Variants in PLCH2 observed in about 807,000 individuals in gnomAD.
PLCH2 encodes phospholipase C eta 2, also known as 1-phosphatidylinositol 4,5-bisphosphate phosphodiesterase eta-2.
PLCH2 carries 98 observed loss-of-function variants against 134.7 expected under a neutral mutation model. That is an observed-to-expected ratio of 0.73 (90% CI 0.62 to 0.86). PLCH2 has a LOEUF of 0.86. PLCH2 is among the 40% of genes least tolerant of loss of function. PLCH2 has a pLI of 0.00. For synonymous variants in PLCH2, 974 were observed against 827.5 expected (o/e 1.18, Z -3.04); for missense variants, 1,994 against 1,986.6 (o/e 1.00, Z -0.07).
At chr1:2,497,079 G>A in intron 15 of PLCH2, 69 bp downstream of exon 15, 1 of 1,468,656 alleles carries the variant, frequency 6.8e-7, no homozygotes, top group South Asian at 1.2e-5. Context: ...GAAGCCCAAG[G>A]GGCGAGCAGG....
chr1:2,445,465 G>A (rs1170321418), intron 2 of PLCH2, among the ~76,000 whole-genome samples: 1 of 152,110 alleles, frequency 6.6e-6, no homozygotes, highest in African/African-American at 2.4e-5. Context: ...TCGGGGCTCG[G>A]GGCTTGGTCT....
At chr1:2,466,012 G>A (rs1176375943), upstream of PLCH2, among the ~76,000 whole-genome samples, 3 of 152,210 alleles carry the variant, frequency 2.0e-5, no homozygotes, top group African/African-American at 4.8e-5. Context: ...TTTCCTGAGT[G>A]GACTGTCCCA....
At chr1:2,431,169 G>T (rs1215183513) in intron 2 of PLCH2, among the ~76,000 whole-genome samples, 1 of 151,058 alleles carries the variant, frequency 6.6e-6, no homozygotes, top group Non-Finnish European at 1.5e-5. Flanking sequence ...TGTGCACACC[G>T]CTATCTGCCG....
At position 2,496,689 on chromosome 1, in the gene PLCH2, G is replaced by A. The variant is rs867099837; in HGVS notation, c.1918G>A (p.Asp640Asn). Residue 640 changes from aspartate (D) to asparagine (N), a missense_variant, in exon 14 of 22, where the codon GAC becomes AAC. This residue lies in a region of PLCH2 where 1,094 missense variants were observed against 1,234.3 expected (regional missense o/e 0.89). Coordinates refer to ENST00000378486, the MANE Select transcript of PLCH2 (RefSeq NM_014638.4). ...VKYTKSVATH[D>N]IEMEAASSWQ... is the part of the protein sequence containing the mutation. ...GTACACCAAGTCCGTGGCCACCCAC[G>A]ACATAGAGATGGAGGGTGAGTGGCT... is the stretch of plus-strand genomic sequence containing the variant. The A allele has an allele frequency of 1.2e-6, 2 of 1,611,780 alleles. No individual in the cohort carries two copies. The highest frequency in any genetic ancestry group is 1.1e-5 in the South Asian group (1 of 90,920).
upstream of PLCH2, among the ~76,000 whole-genome samples, chr1:2,463,135 T>C (rs1243955224): frequency 6.6e-6 from 1 of 152,182 alleles, no homozygotes; most frequent in Non-Finnish European, 1.5e-5. Context: ...TAGGACGTTC[T>C]GTGCACGATG....
Position 2,479,896 on chromosome 1 carries a change from C to T in PLCH2, c.434C>T (p.Thr145Ile). 1 of 1,611,954 alleles carries T rather than the reference C, an allele frequency of 6.2e-7. No homozygotes were observed. Among genetic ancestry groups the T allele is most frequent in the Non-Finnish European group, 8.5e-7 (1 of 1,179,584 alleles). The change falls in exon 3 of 22, where the codon ACC becomes ATC. Residue 145 changes from threonine (T) to isoleucine (I), a missense_variant. By Grantham distance (89) the Thr-to-Ile change is moderately conservative. Around this residue, in one of 2 missense-constraint regions of PLCH2, gnomAD observed 1,094 missense variants for 1,234.3 expected, o/e 0.89. Coordinates refer to ENST00000378486, the MANE Select transcript of PLCH2 (RefSeq NM_014638.4). ...LVSTSSEVAR[T>I]WVTGLRYLMA... ...TCCACCAGCAGCGAGGTGGCGCGCACCTGGGTCACTGGCCTGCGCTACCTC... is the reference window on the plus strand; with the variant it reads ...TCCACCAGCAGCGAGGTGGCGCGCATCTGGGTCACTGGCCTGCGCTACCTC...
chr1:2,502,019 T>C, intron 20 of PLCH2, 93 bp from the exon 21 acceptor site: 1 of 1,186,906 alleles, frequency 8.4e-7, no homozygotes, highest in Non-Finnish European at 1.1e-6. Flanking sequence ...GCATGGCACG[T>C]CTGTGGCACG....
intron 4 of PLCH2, among the ~76,000 whole-genome samples, chr1:2,482,865 G>A (rs1472601986): frequency 6.6e-6 from 1 of 152,188 alleles, no homozygotes; most frequent in East Asian, 1.9e-4. Flanking sequence ...GGCCGAGGCG[G>A]GGCCCTGGGT....
rs551803859 is a variant in PLCH2 at position 2,460,240 on chromosome 1, G to C, written c.116-18236G>C. On this transcript the variant is annotated intron_variant, in intron 2 of 3. Coordinates refer to the PLCH2 transcript ENST00000609981. ...GGCTTTTCTAAGGCCATGCTGCCCCGGGGTCCCAGGCCGGGTTCCCCCAAG... is the reference window on the plus strand; with the variant it reads ...GGCTTTTCTAAGGCCATGCTGCCCCCGGGTCCCAGGCCGGGTTCCCCCAAG... Among the ~76,000 whole-genome samples, 4 of 152,356 alleles carry C rather than the reference G, an allele frequency of 2.6e-5. No individual in the cohort carries two copies. The East Asian group carries it at 7.7e-4, about 29-fold the overall frequency.
At chr1:2,463,595 G>A (rs1273755800), upstream of PLCH2, among the ~76,000 whole-genome samples, 1 of 152,236 alleles carries the variant, frequency 6.6e-6, no homozygotes, top group East Asian at 1.9e-4. Context: ...GTTTCTCAGG[G>A]CTCTGCTCCT....
intron 2 of PLCH2, among the ~76,000 whole-genome samples, chr1:2,446,571 G>A (rs1639952441): frequency 6.6e-6 from 1 of 152,230 alleles, no homozygotes; most frequent in African/African-American, 2.4e-5. Flanking sequence ...GGCGCACATT[G>A]GAGGCAGAGG....
intron 11 of PLCH2, 94 bp downstream of exon 11, chr1:2,491,429 C>T (rs1215361593): frequency 3.4e-5 from 44 of 1,282,644 alleles, no homozygotes; most frequent in Admixed American, 2.5e-4. Flanking sequence ...ATGCTCTGTG[C>T]GCACTCACAC....
chr1:2,456,940 C>T (rs1640526106), intron 2 of PLCH2, among the ~76,000 whole-genome samples: 1 of 152,190 alleles, frequency 6.6e-6, no homozygotes, highest in Non-Finnish European at 1.5e-5. Flanking sequence ...CTGTGAGGGG[C>T]GATCCGCACC....
intron 5 of PLCH2, among the ~76,000 whole-genome samples, chr1:2,486,193 G>A (rs1642275282): frequency 6.6e-6 from 1 of 152,190 alleles, no homozygotes. Context: ...TTCCCTCCCT[G>A]ACCTTTGCCC....
intron 5 of PLCH2, among the ~76,000 whole-genome samples, chr1:2,485,901 C>G (rs530401509): frequency 1.3e-5 from 2 of 152,282 alleles, no homozygotes; most frequent in East Asian, 1.9e-4. Flanking sequence ...CCTGAGCTCC[C>G]GGGATGCCCC....
intron 21 of PLCH2, chr1:2,503,115 C>T (rs998387927): frequency 2.3e-5 from 16 of 683,576 alleles, no homozygotes; most frequent in Non-Finnish European, 4.0e-5. Flanking sequence ...AGCTTGAGGC[C>T]CTGGGACTTG....
At chr1:2,477,226 T>C (rs1641682184) in intron 1 of PLCH2, among the ~76,000 whole-genome samples, 1 of 151,884 alleles carries the variant, frequency 6.6e-6, no homozygotes, top group Admixed American at 6.6e-5. Context: ...GCAGACAGGG[T>C]CCTGTCCAGG....
chr1:2,500,372 C>T (rs1558033872), intron 20 of PLCH2: 2 of 153,352 alleles, frequency 1.3e-5, no homozygotes, highest in African/African-American at 2.4e-5. Context: ...CTGCCATGCT[C>T]TCGGGCCCAG....
At chr1:2,456,567 C>T (rs910221507) in intron 2 of PLCH2, among the ~76,000 whole-genome samples, 5 of 152,220 alleles carry the variant, frequency 3.3e-5, no homozygotes, top group East Asian at 1.9e-4. Context: ...GTGCAGCCCC[C>T]GCCCCCGGCA....
Sources: allele counts gnomAD v4.1 joint callset (sites outside exome capture counted in the v4.1 genomes callset), GRCh38; gene constraint gnomAD v4.1.1; regional missense constraint gnomAD v4.1.1; transcripts MANE v1.5; gene names NCBI Gene and HGNC (gene_info 2026-07-23, HGNC 2026-07-21).